Variants in CC2D1A observed in about 807,000 individuals in gnomAD.
CC2D1A encodes the protein coiled-coil and C2 domain containing 1A, also known as coiled-coil and C2 domain-containing protein 1A.
A neutral mutation model predicts 123.8 loss-of-function variants in CC2D1A; 68 were observed. The ratio of observed to expected loss-of-function variants is 0.55; its 90% CI spans 0.45 to 0.67. The LOEUF is 0.67. Among genes scored for constraint, CC2D1A ranks in the 30% least tolerant of loss-of-function variants. The pLI is 0.00. For synonymous variants in CC2D1A, 477 were observed against 528.0 expected (o/e 0.90, Z 1.32); for missense variants, 1,185 against 1,290.3 (o/e 0.92, Z 1.25).
At chr19:13,929,035 G>T (rs1173293962) in intron 24 of CC2D1A, among the ~76,000 whole-genome samples, 1 of 145,294 alleles carries the variant, frequency 6.9e-6, no homozygotes, top group Non-Finnish European at 1.5e-5. Context: ...ACAGAATCTT[G>T]CTCTGTCACC....
intron 17 of CC2D1A, among the ~76,000 whole-genome samples, chr19:13,924,510 C>A (rs1008290272): frequency 6.6e-6 from 1 of 152,092 alleles, no homozygotes; most frequent in South Asian, 2.1e-4. Flanking sequence ...CACTTTGTCA[C>A]CCAGGCGGGA....
At chr19:13,915,996 C>T (rs1163911368) in intron 6 of CC2D1A, among the ~76,000 whole-genome samples, 3 of 151,884 alleles carry the variant, frequency 2.0e-5, no homozygotes, top group Non-Finnish European at 4.4e-5. Context: ...TGGTTCACAC[C>T]TGTAATCCCA....
chr19:13,923,880 G>C lies in CC2D1A; in HGVS notation c.1940+69G>C. ...CTTTGGTGGCGGTGGGGCGGGTTGT[G>C]CTCCCCAGAAGCTGGCACAAGATTT... On this transcript the variant is annotated intron_variant, in intron 17 of 28. Coordinates refer to ENST00000318003, the MANE Select transcript of CC2D1A (RefSeq NM_017721.5). The surrounding 1 kb of genome is among the most constrained non-coding windows in gnomAD (Gnocchi z 5.3). 1.7e-6 allele frequency: 2 copies of C among 1,182,712 alleles called. No homozygotes were observed. Among genetic ancestry groups the C allele is most frequent in the Non-Finnish European group, 1.3e-6 (1 of 794,734 alleles). 73.3% of individuals were successfully genotyped at this position (1,182,712 alleles called of 1,614,324 possible).
intron 12 of CC2D1A, 21 bp downstream of exon 12, chr19:13,919,972 C>T (rs201545272): frequency 4.4e-5 from 71 of 1,598,956 alleles, no homozygotes; most frequent in East Asian, 3.2e-4. Context: ...TGGGGCCGGG[C>T]GCAGTGGCTC....
Position 13,928,029 on chromosome 19 carries a change from C to G in CC2D1A, c.2453C>G (p.Thr818Arg). Residue 818 changes from threonine (T) to arginine (R), a missense_variant and splice_region_variant, in exon 23 of 29, where the codon ACA (threonine) becomes AGA (arginine). By Grantham distance (71) the Thr-to-Arg change is moderately conservative (BLOSUM62 -1). Coordinates refer to ENST00000318003, the MANE Select transcript of CC2D1A (RefSeq NM_017721.5). ...GACCCTGTGCCGGCAGCTGTGCCCA[C>G]AGTGAGACCCCCCACCCCCACCCAT... ...VIDPVPAAVP[T>R]QVAGPKGKAP... 1 of 1,613,592 alleles carries G rather than the reference C, an allele frequency of 6.2e-7. No individual in the cohort carries two copies. Among genetic ancestry groups the G allele is most frequent in the South Asian group, 1.1e-5 (1 of 91,070 alleles).
Position 13,906,428 on chromosome 19 carries a change from A to G in CC2D1A, c.-14A>G. 1 of 1,512,626 alleles carries G rather than the reference A, an allele frequency of 6.6e-7. No individual in the cohort carries two copies. Among genetic ancestry groups the G allele is most frequent in the South Asian group, 1.2e-5 (1 of 81,090 alleles). The allele number at this position is 1,512,626 out of a possible 1,614,324, so 93.7% of individuals were successfully genotyped here. A position where few individuals can be genotyped will look rare whatever the true frequency, so the allele number is the denominator to read the frequency against. ...GGGCTTGGGGGCAGGTGGTCCGGGC[A>G]TCCAGCCTTGAAGATGCACAAGAGG... is the stretch of plus-strand genomic sequence containing the variant. On this transcript the variant is annotated 5_prime_UTR_variant, in exon 1 of 29. Transcript: ENST00000318003. This position sits in a 1 kb window ranked among gnomAD's most constrained non-coding sequence, Gnocchi z 4.1.
At chr19:13,908,889 TC>T (rs1224988030) in intron 1 of CC2D1A, among the ~76,000 whole-genome samples, 22 of 151,148 alleles carry the variant, frequency 1.5e-4, no homozygotes, top group Admixed American at 1.2e-3. Flanking sequence ...CTTCCTTCCC[TC>T]CTTCCTCCCT....
intron 6 of CC2D1A, among the ~76,000 whole-genome samples, chr19:13,915,110 G>A (rs887989132): frequency 6.6e-6 from 1 of 152,236 alleles, no homozygotes; most frequent in Non-Finnish European, 1.5e-5. Flanking sequence ...ACCTGAAATT[G>A]TCAACTGAAA....
At chr19:13,925,971 T>G in intron 17 of CC2D1A, among the ~76,000 whole-genome samples, 1 of 134,204 alleles carries the variant, frequency 7.5e-6, no homozygotes, top group African/African-American at 3.1e-5. Flanking sequence ...CACGTATATA[T>G]ATGTGTATAT....
In CC2D1A at chr19:13,926,816, C is replaced by G; in HGVS notation, c.2074-5C>G. 1 of 1,614,038 alleles carries G rather than the reference C, an allele frequency of 6.2e-7. No individual in the cohort carries two copies. Among genetic ancestry groups the G allele is most frequent in the Non-Finnish European group, 8.5e-7 (1 of 1,180,002 alleles). ...CTAGATTTCCTGCCTCCTCTCTGGT[C>G]ATAGGAAGAAGCTCAGAAAGACAAG... On this transcript the variant is annotated splice_polypyrimidine_tract_variant and splice_region_variant and intron_variant, in intron 19 of 28. Transcript: ENST00000318003.
chr19:13,923,805 T>C lies in CC2D1A; in HGVS notation c.1934T>C (p.Val645Ala), dbSNP rs1599399428. Residue 645 changes from valine to alanine, a missense_variant, in exon 17 of 29, where the codon GTC (valine) becomes GCC (alanine). Val to Ala is a moderately conservative substitution (Grantham distance 64). Transcript: ENST00000318003. This position sits in a 1 kb window ranked among gnomAD's most constrained non-coding sequence, Gnocchi z 5.3. Reference sequence around the variant, plus strand: ...CGCTTTGAGCAAAGGACCTTCAGCGTCATCAAGTAAGGCTCCTGATCTACG... The same window carrying C: ...CGCTTTGAGCAAAGGACCTTCAGCGCCATCAAGTAAGGCTCCTGATCTACG... ...TARFEQRTFS[V>A]IKIFPDLSSN... The C allele has an allele frequency of 6.2e-7, 1 of 1,612,648 alleles. No homozygotes were observed. The highest frequency in any genetic ancestry group is 2.2e-5 in the East Asian group (1 of 44,870).
At chr19:13,917,173 T>C (rs1480934780) in intron 6 of CC2D1A, among the ~76,000 whole-genome samples, 2 of 152,116 alleles carry the variant, frequency 1.3e-5, no homozygotes, top group Non-Finnish European at 2.9e-5. Context: ...AGTCCCAGGA[T>C]ATATTTAAAA....
intron 22 of CC2D1A, 30 bp from the exon 23 acceptor site, chr19:13,927,863 C>T (rs761869591): frequency 2.5e-6 from 4 of 1,609,268 alleles, no homozygotes; most frequent in Non-Finnish European, 3.4e-6. Flanking sequence ...TCCTGCTTCC[C>T]ACCAACAGTT....
Position 13,918,928 on chromosome 19 carries a change from G to T in CC2D1A, c.1035G>T (p.Pro345=). 6.2e-7 allele frequency: 1 copy of T among 1,610,736 alleles called. No homozygotes were observed. The highest frequency in any genetic ancestry group is 8.5e-7 in the Non-Finnish European group (1 of 1,178,132). The change falls in exon 10 of 29, where the codon CCG becomes CCT. Residue 345 remains proline (P), a synonymous_variant. Transcript: ENST00000318003. ...APSTTEVPPP[P]RTLLEALEQR... is the part of the protein sequence containing the mutation. ...CCGGCCCAGAGGTGCCCCCACCCCCGAGGACCCTGCTGGAGGCGCTGGAGC... is the reference window on the plus strand; with the variant it reads ...CCGGCCCAGAGGTGCCCCCACCCCCTAGGACCCTGCTGGAGGCGCTGGAGC...
intron 24 of CC2D1A, 29 bp from the exon 25 acceptor site, chr19:13,929,350 C>T (rs1315206750): frequency 8.7e-6 from 14 of 1,609,842 alleles, no homozygotes; most frequent in Non-Finnish European, 1.2e-5. Flanking sequence ...GGAATCTCTG[C>T]AGTCCCTTAT....
In CC2D1A at chr19:13,906,255, G is replaced by T; in HGVS notation, c.-187G>T. On this transcript the variant is annotated 5_prime_UTR_variant, in exon 1 of 29. Coordinates refer to ENST00000318003, the MANE Select transcript of CC2D1A (RefSeq NM_017721.5). This position sits in a 1 kb window ranked among gnomAD's most constrained non-coding sequence, Gnocchi z 4.1. ...CCAGTGGCCGCGCTCCGGTGCGGCGGCGCCCGAGGCCCGAGGCGGAAGTGG... is the reference window on the plus strand; with the variant it reads ...CCAGTGGCCGCGCTCCGGTGCGGCGTCGCCCGAGGCCCGAGGCGGAAGTGG... The T allele has an allele frequency of 2.2e-6, 1 of 460,978 alleles. No individual in the cohort carries two copies. Among genetic ancestry groups the T allele is most frequent in the Middle Eastern group, 5.9e-4 (1 of 1,706 alleles). The allele number at this position is 460,978 out of a possible 1,614,324, so 28.6% of individuals were successfully genotyped here.
intron 14 of CC2D1A, among the ~76,000 whole-genome samples, chr19:13,922,748 T>G (rs1157776206): frequency 6.6e-6 from 1 of 151,954 alleles, no homozygotes; most frequent in East Asian, 1.9e-4. Flanking sequence ...CCATACATGA[T>G]TTCTCAAACT....
At chr19:13,908,159 C>T (rs1367745725) in intron 1 of CC2D1A, among the ~76,000 whole-genome samples, 1 of 151,976 alleles carries the variant, frequency 6.6e-6, no homozygotes, top group Non-Finnish European at 1.5e-5. Context: ...GCATGCGCCA[C>T]CATGCCTGGT....
rs34627490 is a variant in CC2D1A at position 13,925,918 on chromosome 19, T to TAAA, written c.1941-585_1941-583dup. Among the ~76,000 whole-genome samples the TAAA allele has an allele frequency of 2.8e-3, 157 of 55,226 alleles. 6 individuals are homozygous for TAAA. The highest frequency in any genetic ancestry group is 5.4e-3 in the African/African-American group (69 of 12,834). 36.2% of individuals were successfully genotyped at this position (55,226 alleles called of 152,430 possible). On this transcript the variant is annotated intron_variant, in intron 17 of 28. Coordinates refer to ENST00000318003, the MANE Select transcript of CC2D1A (RefSeq NM_017721.5). Reference sequence around the variant, plus strand: ...CTGGGCGACAGAGCAAGACTCTGTCTAAAAAAAAAAAAAAAATATATATAT... The same window carrying TAAA: ...CTGGGCGACAGAGCAAGACTCTGTCTAAAAAAAAAAAAAAAAAAATATATATAT...
Sources: allele counts gnomAD v4.1 joint callset (sites outside exome capture counted in the v4.1 genomes callset), GRCh38; gene constraint gnomAD v4.1.1; non-coding constraint Gnocchi (gnomAD v3.1); transcripts MANE v1.5; gene names NCBI Gene and HGNC (gene_info 2026-07-23, HGNC 2026-07-21).